Variants in FHIT observed in about 807,000 individuals in gnomAD.
FHIT encodes fragile histidine triad diadenosine triphosphatase.
A neutral mutation model predicts 17.9 loss-of-function variants in FHIT; 19 were observed. That is an observed-to-expected ratio of 1.06 (90% CI 0.74 to 1.56). FHIT has a LOEUF of 1.56. Among genes scored for constraint, FHIT ranks in the 40% most tolerant of loss-of-function variants. The pLI is 0.00. For synonymous variants in FHIT, 81 were observed against 69.7 expected (o/e 1.16, Z -0.81); for missense variants, 248 against 189.2 (o/e 1.31, Z -1.82).
At chr3:60,235,334 G>A (rs1329165568) in intron 5 of FHIT, among the ~76,000 whole-genome samples, 2 of 150,360 alleles carry the variant, frequency 1.3e-5, no homozygotes, top group Non-Finnish European at 3.0e-5. Flanking sequence ...GGGTTCAAAT[G>A]ATTCTTCTGC....
At chr3:59,802,640 T>C (rs1248420794) in intron 8 of FHIT, among the ~76,000 whole-genome samples, 1 of 152,048 alleles carries the variant, frequency 6.6e-6, no homozygotes, top group Non-Finnish European at 1.5e-5. Context: ...TCCTTGACTC[T>C]CTTTTTGGAC....
chr3:60,770,003 G>A (rs1476108812), intron 4 of FHIT, among the ~76,000 whole-genome samples: 1 of 152,176 alleles, frequency 6.6e-6, no homozygotes, highest in East Asian at 1.9e-4. Context: ...TGTGTTGGGA[G>A]GGGTCATTAG....
intron 5 of FHIT, among the ~76,000 whole-genome samples, chr3:60,195,097 C>T (rs1702567462): frequency 6.6e-6 from 1 of 151,932 alleles, no homozygotes; most frequent in South Asian, 2.1e-4. Flanking sequence ...ACCCAGAAGG[C>T]GGACGTTGCA....
intron 8 of FHIT, among the ~76,000 whole-genome samples, chr3:59,885,570 C>T (rs1175593570): frequency 6.6e-6 from 1 of 151,868 alleles, no homozygotes; most frequent in Non-Finnish European, 1.5e-5. Flanking sequence ...GAGTACAGTG[C>T]TCTGTTTGAT....
At chr3:60,601,091 A>G (rs1257904872) in intron 4 of FHIT, among the ~76,000 whole-genome samples, 1 of 152,180 alleles carries the variant, frequency 6.6e-6, no homozygotes, top group Non-Finnish European at 1.5e-5. Context: ...CAATGTGCCA[A>G]GTGACAGAAC....
At position 61,146,578 on chromosome 3, in the gene FHIT, T is replaced by C. The variant is rs2037232791; in HGVS notation, c.-164+54039A>G. Among the ~76,000 whole-genome samples, 3 of 152,186 alleles carry C rather than the reference T, an allele frequency of 2.0e-5. No individual in the cohort carries two copies. In the Middle Eastern group the frequency reaches 0.01, roughly 518 times the overall value. ...GGCAACAGCCCATAGAAGATTGCTT[T>C]AAACTACAGAATCTGCTTGGTCATA... is the stretch of plus-strand genomic sequence containing the variant. On this transcript the variant is annotated intron_variant, in intron 2 of 9. Coordinates refer to ENST00000492590, the MANE Select transcript of FHIT (RefSeq NM_002012.4).
At chr3:59,981,033 G>T (rs190244482) in intron 7 of FHIT, among the ~76,000 whole-genome samples, 4 of 152,090 alleles carry the variant, frequency 2.6e-5, no homozygotes, top group Non-Finnish European at 5.9e-5. Flanking sequence ...AGCATCTGAA[G>T]ATTTTAGTGG....
In FHIT at chr3:60,519,013, A is replaced by AT. The variant is rs1307302380; in HGVS notation, c.103+17846dup. Among the ~76,000 whole-genome samples, 4 of 152,166 alleles carry AT rather than the reference A, an allele frequency of 2.6e-5. No individual in the cohort carries two copies. In the East Asian group the frequency reaches 7.7e-4, roughly 29 times the overall value. On this transcript the variant is annotated intron_variant, in intron 5 of 9. Coordinates refer to ENST00000492590, the MANE Select transcript of FHIT (RefSeq NM_002012.4). ...GAGTGAGACTGTCTAAAAAACAATT[A>AT]TTTTTTACATACATATTAAAACGTC...
chr3:59,894,596 T>C (rs17061388), intron 8 of FHIT, among the ~76,000 whole-genome samples: 20,140 of 152,168 alleles, frequency 0.13, 1,581 homozygotes, highest in African/African-American at 0.22. Context: ...CTTTATATGA[T>C]TGAATCAGTG....
intron 4 of FHIT, among the ~76,000 whole-genome samples, chr3:60,724,753 G>A (rs191040427): frequency 7.8e-4 from 116 of 147,776 alleles, no homozygotes; most frequent in African/African-American, 2.9e-3. Context: ...GGTTCAAGCA[G>A]TTCTGCTGCC....
chr3:60,237,444 A>G (rs1383700706), intron 5 of FHIT, among the ~76,000 whole-genome samples: 2 of 151,906 alleles, frequency 1.3e-5, no homozygotes, highest in Non-Finnish European at 2.9e-5. Context: ...CTTACATCCC[A>G]GTAACATAAA....
intron 8 of FHIT, among the ~76,000 whole-genome samples, chr3:59,896,230 T>C (rs1245665505): frequency 6.6e-6 from 1 of 152,186 alleles, no homozygotes; most frequent in Non-Finnish European, 1.5e-5. Context: ...GCACAGTGCC[T>C]GGCACAATGT....
intron 5 of FHIT, among the ~76,000 whole-genome samples, chr3:60,187,827 T>G (rs757436300): frequency 2.6e-5 from 4 of 152,190 alleles, no homozygotes; most frequent in Non-Finnish European, 4.4e-5. Flanking sequence ...TATGATATAA[T>G]TCAGCCTTAC....
intron 8 of FHIT, among the ~76,000 whole-genome samples, chr3:59,855,461 C>A (rs893568537): frequency 1.3e-5 from 2 of 152,092 alleles, no homozygotes; most frequent in South Asian, 4.1e-4. Context: ...GGATTCCATC[C>A]TTATTTAATC....
intron 7 of FHIT, among the ~76,000 whole-genome samples, chr3:59,926,797 G>A (rs1705683349): frequency 6.6e-6 from 1 of 152,202 alleles, no homozygotes; most frequent in African/African-American, 2.4e-5. Flanking sequence ...ATACCCACTA[G>A]AAAGGCAATA....
chr3:60,218,905 A>G (rs1429539322), intron 5 of FHIT, among the ~76,000 whole-genome samples: 2 of 152,004 alleles, frequency 1.3e-5, no homozygotes, highest in Non-Finnish European at 2.9e-5. Flanking sequence ...ATATAAATTA[A>G]CCTTTCTTAT....
intron 4 of FHIT, among the ~76,000 whole-genome samples, chr3:60,771,213 G>T (rs1233380589): frequency 2.0e-5 from 3 of 152,170 alleles, no homozygotes; most frequent in African/African-American, 7.2e-5. Flanking sequence ...TAAGTCAAAA[G>T]CCTAACTCTT....
At chr3:61,190,762 T>A (rs1301689629) in intron 2 of FHIT, among the ~76,000 whole-genome samples, 1 of 152,100 alleles carries the variant, frequency 6.6e-6, no homozygotes, top group Non-Finnish European at 1.5e-5. Flanking sequence ...TAAAAAATGA[T>A]GAGTTCATGT....
intron 4 of FHIT, among the ~76,000 whole-genome samples, chr3:60,815,222 T>C (rs1170254221): frequency 6.6e-6 from 1 of 152,170 alleles, no homozygotes; most frequent in African/African-American, 2.4e-5. Flanking sequence ...TCTTTTGCTG[T>C]GCAGAAGCTC....
Sources: allele counts gnomAD v4.1 joint callset (sites outside exome capture counted in the v4.1 genomes callset), GRCh38; gene constraint gnomAD v4.1.1; transcripts MANE v1.5; gene names NCBI Gene and HGNC (gene_info 2026-07-23, HGNC 2026-07-21).